Variants in WDR18 observed in about 807,000 individuals in gnomAD.
The protein encoded by WDR18 is WD repeat domain 18, also known as WD repeat-containing protein 18.
In WDR18, 33 loss-of-function variants were observed where a neutral mutation model predicts 49.6. That is an observed-to-expected ratio of 0.67 (90% CI 0.50 to 0.89). WDR18 has a LOEUF of 0.89. Ranked by LOEUF, WDR18 falls within the 40% of genes least tolerant of loss-of-function variation. WDR18 has a pLI of 0.00. For synonymous variants in WDR18, 315 were observed against 263.6 expected (o/e 1.19, Z -1.89); for missense variants, 653 against 593.6 (o/e 1.10, Z -1.04).
chr19:984,775 G>T (rs750973751), intron 1 of WDR18, among the ~76,000 whole-genome samples: 8 of 151,734 alleles, frequency 5.3e-5, no homozygotes, highest in African/African-American at 1.7e-4. Flanking sequence ...CGGGGCTCAG[G>T]CCTGAGCTGC....
chr19:987,828 A>ATTTTTTTTTTTTTT (rs2038490267), intron 2 of WDR18, among the ~76,000 whole-genome samples: 26 of 47,754 alleles, frequency 5.4e-4, no homozygotes, highest in East Asian at 1.9e-3. Context: ...AGCCGCCTCC[A>ATTTTTTTTTTTTTT]GTTTTTTTTT....
At position 992,013 on chromosome 19, in the gene WDR18, C is replaced by G. The variant is rs767500029; in HGVS notation, c.990C>G (p.Phe330Leu). ...CCGTCAGCATGCTGAGCTCAGACTT[C>G]AGGCCCAGCCTGCCGCTGCCCCACT... is the stretch of plus-strand genomic sequence containing the variant. Reference protein sequence around the residue: ...LAPVSMLSSDFRPSLPLPHFN... With the variant: ...LAPVSMLSSDLRPSLPLPHFN... Residue 330 changes from phenylalanine (F) to leucine (L), a missense_variant, in exon 8 of 10, where the codon TTC becomes TTG. Phe to Leu is a conservative substitution (Grantham distance 22). Coordinates refer to ENST00000585809, the MANE Select transcript of WDR18 (RefSeq NM_024100.4). 1.3e-6 allele frequency: 2 copies of G among 1,596,266 alleles called. No homozygotes were observed. The highest frequency in any genetic ancestry group is 1.7e-6 in the Non-Finnish European group (2 of 1,175,482).
upstream of WDR18, chr19:984,322 T>C (rs1028725903): frequency 6.4e-6 from 10 of 1,553,228 alleles, no homozygotes; most frequent in Admixed American, 1.9e-5. Context: ...TCGCTCATGA[T>C]GACGCACGTC....
intron 2 of WDR18, among the ~76,000 whole-genome samples, chr19:989,560 C>T (rs2038517045): frequency 6.6e-6 from 1 of 152,208 alleles, no homozygotes; most frequent in Admixed American, 6.5e-5. Context: ...GGTGCCCACC[C>T]AGCCCAGGCA....
rs71174337 is a variant in WDR18 at position 987,829 on chromosome 19, G to GTTTTTTTTTTTTTTTT, written c.321+1862_321+1877dup. Among the ~76,000 whole-genome samples, 535 of 91,768 alleles carry GTTTTTTTTTTTTTTTT rather than the reference G, an allele frequency of 5.8e-3. 77 individuals carry two copies. Among genetic ancestry groups the GTTTTTTTTTTTTTTTT allele is most frequent in the East Asian group, 0.011 (31 of 2,724 alleles). The allele number at this position is 91,768 out of a possible 152,430, so 60.2% of individuals were successfully genotyped here. ...ACCCCTGCTCCCCTAGCCGCCTCCAGTTTTTTTTTTTTTTTTTTTTTTTCA... is the reference window on the plus strand; with the variant it reads ...ACCCCTGCTCCCCTAGCCGCCTCCAGTTTTTTTTTTTTTTTTTTTTTTTTTTTTTTTTTTTTTTTCA... On this transcript the variant is annotated intron_variant, in intron 2 of 9. Transcript: ENST00000585809.
chr19:984,142 G>T, upstream of WDR18: 1 of 511,304 alleles, frequency 2.0e-6, no homozygotes, highest in Non-Finnish European at 3.3e-6. Flanking sequence ...GGAAGAAGTC[G>T]CCTCCCCAGA....
upstream of WDR18, among the ~76,000 whole-genome samples, chr19:983,152 C>T (rs1300866507): frequency 6.6e-6 from 1 of 152,214 alleles, no homozygotes; most frequent in Non-Finnish European, 1.5e-5. Flanking sequence ...TTAAATCATA[C>T]TGTTTTTAGG....
At chr19:992,952 G>A (rs2038579087) in intron 8 of WDR18, among the ~76,000 whole-genome samples, 1 of 152,228 alleles carries the variant, frequency 6.6e-6, no homozygotes, top group Admixed American at 6.5e-5. Flanking sequence ...GTGCCCGACA[G>A]CCTGATGGCC....
chr19:987,113 C>G (rs149921664), intron 2 of WDR18, among the ~76,000 whole-genome samples: 17 of 152,276 alleles, frequency 1.1e-4, no homozygotes, highest in Middle Eastern at 3.4e-3. Flanking sequence ...GAGGCTGAGA[C>G]GGGCAGATCA....
Position 994,265 on chromosome 19 carries a change from A to G in WDR18, c.1220A>G (p.Asp407Gly), listed in dbSNP as rs772821975. ...QLRVRVTELE[D>G]EVRNLRKINR... Reference sequence around the variant, plus strand: ...CGCGTCCGTGTGACGGAGCTGGAGGACGAGGTGCGCAACCTGCGCAAGATC... The same window carrying G: ...CGCGTCCGTGTGACGGAGCTGGAGGGCGAGGTGCGCAACCTGCGCAAGATC... The change falls in exon 10 of 10, where the codon GAC becomes GGC. Residue 407 changes from aspartate to glycine, a missense_variant. Transcript: ENST00000585809. The G allele has an allele frequency of 5.0e-6, 8 of 1,609,586 alleles. No homozygotes were observed. The East Asian group carries it at 1.3e-4, about 27-fold the overall frequency.
At chr19:993,904 G>A (rs189138246) in intron 8 of WDR18, 116 bp from the exon 9 acceptor site, 86 of 1,155,778 alleles carry the variant, frequency 7.4e-5, no homozygotes, top group Non-Finnish European at 9.9e-5. Context: ...GTCTGTGGGC[G>A]TCACGGTGGC....
Position 991,231 on chromosome 19 carries a change from C to G in WDR18, c.811C>G (p.Gln271Glu). 1 of 1,574,474 alleles carries G rather than the reference C, an allele frequency of 6.4e-7. No homozygotes were observed. The highest frequency in any genetic ancestry group is 8.6e-7 in the Non-Finnish European group (1 of 1,158,418). The change falls in exon 7 of 10, where the codon CAG becomes GAG. Residue 271 changes from glutamine (Q) to glutamate (E), a missense_variant. Physicochemically the swap from Gln to Glu is conservative, Grantham distance 29. Transcript: ENST00000585809. Reference protein sequence around the residue: ...AGKVFKGHRNQVTCLSVSTDG... With the variant: ...AGKVFKGHRNEVTCLSVSTDG... Reference sequence around the variant, plus strand: ...GACCCCTGTCTGTCTGTCCAGGAACCAGGTGACTTGCCTGTCAGTGTCCAC... The same window carrying G: ...GACCCCTGTCTGTCTGTCCAGGAACGAGGTGACTTGCCTGTCAGTGTCCAC...
rs369445556 is a variant in WDR18, at chr19:994,174, C to G, written c.1168-39C>G. ...TGAGTGGCCCCCCTCCAGCACACCC[C>G]AGGCCACTTCTGCCCTCTGACCCCG... On this transcript the variant is annotated intron_variant, in intron 9 of 9. Transcript: ENST00000585809. 9.7e-5 allele frequency: 153 copies of G among 1,571,184 alleles called. 1 individual carries two copies. In the African/African-American group the frequency reaches 1.7e-3, roughly 17 times the overall value.
Position 985,899 on chromosome 19 carries a change from C to G in WDR18, c.245C>G (p.Pro82Arg), listed in dbSNP as rs1258117699. 5 of 1,613,858 alleles carry G rather than the reference C, an allele frequency of 3.1e-6. No individual in the cohort carries two copies. Among genetic ancestry groups the G allele is most frequent in the African/African-American group, 2.7e-5 (2 of 74,938 alleles). The change falls in exon 2 of 10, where the codon CCT becomes CGT. Residue 82 changes from proline to arginine, a missense_variant. By Grantham distance (103) the Pro-to-Arg change is moderately radical (BLOSUM62 -2). Coordinates refer to ENST00000585809, the MANE Select transcript of WDR18 (RefSeq NM_024100.4). ...CAGCAGAAGATCATGTGCCCCGGGC[C>G]TGTCACCTGTCTGACTGCATCACCC... The part of the protein sequence containing the change: ...QLQQKIMCPG[P>R]VTCLTASPNG...
chr19:984,494 C>T lies in WDR18; in HGVS notation c.141C>T (p.Leu47=), dbSNP rs1463411317. 22 of 1,561,976 alleles carry T rather than the reference C, an allele frequency of 1.4e-5. No homozygotes were observed. In the Admixed American group the frequency reaches 3.6e-4, roughly 26 times the overall value. The change falls in exon 1 of 10, where the codon CTC becomes CTT. Residue 47 remains leucine, a synonymous_variant. Transcript: ENST00000585809. ...GQAGPRGLAL[L]NGEYLLAAQL... ...CGGGACCCCGCGGCCTGGCGCTGCTCAATGGCGAGTATCTGCTGGCGGCGC... is the reference window on the plus strand; with the variant it reads ...CGGGACCCCGCGGCCTGGCGCTGCTTAATGGCGAGTATCTGCTGGCGGCGC...
upstream of WDR18, among the ~76,000 whole-genome samples, chr19:983,933 T>C (rs1046298141): frequency 4.6e-5 from 7 of 152,074 alleles, no homozygotes; most frequent in Non-Finnish European, 1.0e-4. Flanking sequence ...CAACTAGCCA[T>C]GTTGCTGGGT....
chr19:989,042 C>T (rs3815163), intron 2 of WDR18, among the ~76,000 whole-genome samples: 36,417 of 84,764 alleles, frequency 0.43, 9,149 homozygotes, highest in Non-Finnish European at 0.54. Context: ...CATCTCAGGC[C>T]TCGAACCCAC....
chr19:990,450 C>CCGCT, intron 4 of WDR18, 86 bp downstream of exon 4: 1 of 1,422,578 alleles, frequency 7.0e-7, no homozygotes, highest in Non-Finnish European at 9.2e-7. Flanking sequence ...TCGCCTCCTC[C>CCGCT]CGCTCCCTGC....
intron 2 of WDR18, 128 bp from the exon 3 acceptor site, chr19:989,634 T>C (rs2038518077): frequency 7.3e-7 from 1 of 1,375,078 alleles, no homozygotes; most frequent in Non-Finnish European, 9.9e-7. Context: ...CCCGCAGTCC[T>C]GGGGCAGGGC....
Sources: gnomAD v4.1 joint callset for allele counts (sites outside exome capture counted in the v4.1 genomes callset) on GRCh38, gnomAD v4.1.1 for gene constraint, MANE v1.5 for transcripts, NCBI Gene and HGNC (gene_info 2026-07-23, HGNC 2026-07-21) for gene names.